LGR4: variants seen among roughly 807,000 people sequenced by gnomAD.
LGR4 encodes leucine-rich repeat-containing G protein-coupled receptor 4.
A neutral mutation model predicts 84.8 loss-of-function variants in LGR4; 44 were observed. The ratio of observed to expected loss-of-function variants is 0.52; its 90% CI spans 0.41 to 0.67. LGR4 has a LOEUF of 0.67. Among genes scored for constraint, LGR4 ranks in the 30% least tolerant of loss-of-function variants. LGR4 has a pLI of 0.00. For missense variants in LGR4, 1,032 were observed against 1,131.4 expected, an observed-to-expected ratio of 0.91 and a Z score of 1.26; for synonymous variants, 429 against 434.3, an observed-to-expected ratio of 0.99 and a Z score of 0.15.
chr11:27,468,501 G>T (rs1396268718), intron 1 of LGR4, among the ~76,000 whole-genome samples: 1 of 152,088 alleles, frequency 6.6e-6, no homozygotes, highest in Non-Finnish European at 1.5e-5. Flanking sequence ...TAATAAAGAG[G>T]GTGGTGTGAG....
intron 2 of LGR4, among the ~76,000 whole-genome samples, chr11:27,403,381 G>T: frequency 6.6e-6 from 1 of 152,154 alleles, no homozygotes. Context: ...GAGCCCGTGA[G>T]GTCAAGGTTG....
intron 2 of LGR4, among the ~76,000 whole-genome samples, chr11:27,410,472 G>A (rs1863688733): frequency 6.6e-6 from 1 of 152,008 alleles, no homozygotes; most frequent in Non-Finnish European, 1.5e-5. Flanking sequence ...CAGGGCATTT[G>A]GCTTCATGAT....
At chr11:27,402,303 C>G (rs547899862) in intron 2 of LGR4, among the ~76,000 whole-genome samples, 8 of 152,094 alleles carry the variant, frequency 5.3e-5, no homozygotes, top group Non-Finnish European at 1.0e-4. Context: ...TAAATGAGAA[C>G]GCATTAGAAG....
chr11:27,404,916 G>A (rs551606206), intron 2 of LGR4, among the ~76,000 whole-genome samples: 10 of 152,206 alleles, frequency 6.6e-5, no homozygotes, highest in African/African-American at 9.6e-5. Context: ...TTTAAGCCTC[G>A]AGATCCAGTA....
chr11:27,461,182 C>G (rs1156635758), intron 1 of LGR4, among the ~76,000 whole-genome samples: 1 of 151,658 alleles, frequency 6.6e-6, no homozygotes, highest in African/African-American at 2.4e-5. Context: ...TTTTCTTTAG[C>G]TACAAAACCA....
intron 2 of LGR4, among the ~76,000 whole-genome samples, chr11:27,404,889 A>G (rs539887754): frequency 6.6e-6 from 1 of 152,344 alleles, no homozygotes; most frequent in South Asian, 2.1e-4. Context: ...GGAAAGCATG[A>G]GAAAACTCTT....
In LGR4 at chr11:27,367,717, T is replaced by G; in HGVS notation, c.*150A>C. The G allele has an allele frequency of 1.7e-6, 1 of 571,936 alleles. No individual in the cohort carries two copies. Among genetic ancestry groups the G allele is most frequent in the Non-Finnish European group, 3.0e-6 (1 of 331,470 alleles). The allele number at this position is 571,936 out of a possible 1,614,324, so 35.4% of individuals were successfully genotyped here. A position where few individuals can be genotyped will look rare whatever the true frequency, so the allele number is the denominator to read the frequency against. ...TAGGCACCTGTTCTTTGAAAATGAC[T>G]GGTTTGAGAAATAAACTGCCACCTC... On this transcript the variant is annotated 3_prime_UTR_variant, in exon 18 of 18. Coordinates refer to ENST00000379214, the MANE Select transcript of LGR4 (RefSeq NM_018490.5).
intron 1 of LGR4, among the ~76,000 whole-genome samples, chr11:27,452,947 T>A (rs1373193458): frequency 2.0e-5 from 3 of 152,166 alleles, no homozygotes; most frequent in Non-Finnish European, 2.9e-5. Flanking sequence ...GACATACCAA[T>A]TTATTCTGCC....
chr11:27,428,595 G>A (rs1248563724), intron 1 of LGR4, among the ~76,000 whole-genome samples: 2 of 152,192 alleles, frequency 1.3e-5, no homozygotes, highest in Non-Finnish European at 2.9e-5. Flanking sequence ...TCAACCATGA[G>A]GGATAAATGA....
rs11296973 is a variant in LGR4, at chr11:27,433,397, CTT to C, written c.186-20539_186-20538del. The stretch of plus-strand genomic sequence containing the variant: ...ACGCCCGGCTAATTTATTTTTATTT[CTT>C]TTTTTTTTTTTTTAGTAGAGATGGG... On this transcript the variant is annotated intron_variant, in intron 1 of 17. Transcript: ENST00000379214. Among the ~76,000 whole-genome samples, 399 of 142,692 alleles carry C rather than the reference CTT, an allele frequency of 2.8e-3. 2 individuals carry two copies. The highest frequency in any genetic ancestry group is 8.3e-3 in the South Asian group (37 of 4,468). The allele number at this position is 142,692 out of a possible 152,430, so 93.6% of individuals were successfully genotyped here.
chr11:27,457,956 A>G (rs1462732552), intron 1 of LGR4, among the ~76,000 whole-genome samples: 5 of 151,752 alleles, frequency 3.3e-5, no homozygotes, highest in African/African-American at 1.2e-4. Context: ...GCAAGACCCC[A>G]TCTCTGCAAA....
rs35556457 is a variant in LGR4 at position 27,391,235 on chromosome 11, C to CTTTTTT, written c.330-76_330-71dup. 3.3e-4 allele frequency: 148 copies of CTTTTTT among 444,654 alleles called. 1 individual carries two copies. The highest frequency in any genetic ancestry group is 4.4e-4 in the Non-Finnish European group (113 of 258,880). The allele number at this position is 444,654 out of a possible 1,614,324, so 27.5% of individuals were successfully genotyped here. On this transcript the variant is annotated intron_variant, in intron 3 of 17. Transcript: ENST00000379214. ...ATTTTTTCTTAGAAAAATTCAGAGC[C>CTTTTTT]TTTTTTTTTTTTTTTTCAAAAAATA...
intron 2 of LGR4, among the ~76,000 whole-genome samples, chr11:27,402,947 G>C (rs911622704): frequency 6.6e-6 from 1 of 152,130 alleles, no homozygotes; most frequent in African/African-American, 2.4e-5. Flanking sequence ...CTAACTTTGT[G>C]ATGCATCATA....
intron 1 of LGR4, among the ~76,000 whole-genome samples, chr11:27,423,327 A>G (rs1863957372): frequency 6.6e-6 from 1 of 152,218 alleles, no homozygotes; most frequent in Non-Finnish European, 1.5e-5. Flanking sequence ...CAACCGTCAG[A>G]GCCTGAACCC....
chr11:27,422,711 A>T (rs775446317), intron 1 of LGR4, among the ~76,000 whole-genome samples: 1 of 152,214 alleles, frequency 6.6e-6, no homozygotes, highest in Non-Finnish European at 1.5e-5. Context: ...TCAAAATTAC[A>T]GCTGCCTTCC....
At chr11:27,402,844 G>T (rs1012790016) in intron 2 of LGR4, among the ~76,000 whole-genome samples, 1 of 152,074 alleles carries the variant, frequency 6.6e-6, no homozygotes, top group African/African-American at 2.4e-5. Flanking sequence ...GGTTTTGATG[G>T]CTGCAGCTCC....
chr11:27,459,076 T>C (rs78444646), intron 1 of LGR4, among the ~76,000 whole-genome samples: 2 of 152,186 alleles, frequency 1.3e-5, no homozygotes, highest in Non-Finnish European at 2.9e-5. Context: ...ATCAGTTTTA[T>C]GAGAAAATGT....
intron 2 of LGR4, among the ~76,000 whole-genome samples, chr11:27,400,743 C>T (rs1429186624): frequency 6.6e-6 from 1 of 152,076 alleles, no homozygotes; most frequent in Non-Finnish European, 1.5e-5. Context: ...ATGATCCACC[C>T]ACCTTGGCCT....
intron 1 of LGR4, among the ~76,000 whole-genome samples, chr11:27,450,215 G>C (rs1321204462): frequency 1.3e-5 from 2 of 152,164 alleles, no homozygotes; most frequent in Admixed American, 6.5e-5. Flanking sequence ...AGGGCCTTAA[G>C]ACTAAAGCTT....
Sources: allele counts gnomAD v4.1 joint callset (sites outside exome capture counted in the v4.1 genomes callset), GRCh38; gene constraint gnomAD v4.1.1; transcripts MANE v1.5; gene names NCBI Gene and HGNC (gene_info 2026-07-23, HGNC 2026-07-21).